Variants in RAI14 observed in about 807,000 individuals in gnomAD.
RAI14 encodes retinoic acid induced 14.
Under a neutral mutation model 115.4 loss-of-function variants are expected in RAI14, and 45 were observed. The ratio of observed to expected loss-of-function variants is 0.39; its 90% CI spans 0.31 to 0.50. RAI14 has a LOEUF of 0.50. Ranked by LOEUF, RAI14 falls within the 20% of genes least tolerant of loss-of-function variation. RAI14 has a pLI of 0.85. For missense variants in RAI14, 939 were observed against 1,131.2 expected (o/e 0.83, Z 2.44); for synonymous variants, 371 against 415.4 (o/e 0.89, Z 1.30).
chr5:34,759,530 C>G (rs1017124016), intron 3 of RAI14, among the ~76,000 whole-genome samples: 1 of 152,128 alleles, frequency 6.6e-6, no homozygotes, highest in East Asian at 1.9e-4. Flanking sequence ...ACTGCACATG[C>G]GAGGGATCTA....
chr5:34,688,001 C>A lies in RAI14; in HGVS notation c.36+1046C>A. 6 of 1,273,416 alleles carry A rather than the reference C, an allele frequency of 4.7e-6. No individual in the cohort carries two copies. In the South Asian group the frequency reaches 6.7e-5, roughly 14 times the overall value. 78.9% of individuals were successfully genotyped at this position (1,273,416 alleles called of 1,614,324 possible). ...TGCTTATGGGATGATGGTAAAATAC[C>A]GACCCACTTAAAGAAAGAACTGGGA... On this transcript the variant is annotated intron_variant, in intron 2 of 17. Coordinates refer to ENST00000265109, the MANE Select transcript of RAI14 (RefSeq NM_015577.3).
chr5:34,770,545 C>T (rs1391850530), intron 3 of RAI14, among the ~76,000 whole-genome samples: 1 of 152,204 alleles, frequency 6.6e-6, no homozygotes, highest in Non-Finnish European at 1.5e-5. Context: ...AGACATTGGA[C>T]TGTGCGAATA....
In RAI14 at chr5:34,814,702, T is replaced by A. The variant is rs773340676; in HGVS notation, c.939+33T>A. On this transcript the variant is annotated intron_variant, in intron 12 of 17. Transcript: ENST00000265109. ...CTTTCTGTATTCAGTTTTGTTACTG[T>A]ATTTTAAGATACATGATAGACTTGC... is the stretch of plus-strand genomic sequence containing the variant. 5.5e-6 allele frequency: 8 copies of A among 1,463,936 alleles called. No individual in the cohort carries two copies. In the South Asian group the frequency reaches 8.0e-5, roughly 15 times the overall value. 90.7% of individuals were successfully genotyped at this position (1,463,936 alleles called of 1,614,324 possible).
chr5:34,794,290 G>A (rs990715099), intron 3 of RAI14, among the ~76,000 whole-genome samples: 4 of 151,912 alleles, frequency 2.6e-5, no homozygotes, highest in African/African-American at 9.7e-5. Context: ...GGGTGTGGTG[G>A]CACATGCCTG....
At chr5:34,675,347 A>G (rs1743902145) in intron 1 of RAI14, among the ~76,000 whole-genome samples, 1 of 152,236 alleles carries the variant, frequency 6.6e-6, no homozygotes, top group Non-Finnish European at 1.5e-5. Context: ...CCCTCACCCC[A>G]GAAAGATCCT....
chr5:34,775,810 A>G (rs1750762230), intron 3 of RAI14, among the ~76,000 whole-genome samples: 1 of 152,184 alleles, frequency 6.6e-6, no homozygotes, highest in Non-Finnish European at 1.5e-5. Flanking sequence ...ACCCTCATAC[A>G]CTGTTGGGGA....
In RAI14 at chr5:34,808,655, G is replaced by C. The variant is rs760529601; in HGVS notation, c.450+1G>C. The C allele has an allele frequency of 6.2e-7, 1 of 1,613,984 alleles. No individual in the cohort carries two copies. Among genetic ancestry groups the C allele is most frequent in the Non-Finnish European group, 8.5e-7 (1 of 1,179,864 alleles). On this transcript the variant is annotated splice_donor_variant, in intron 7 of 17. Coordinates refer to ENST00000265109, the MANE Select transcript of RAI14 (RefSeq NM_015577.3). LOFTEE classifies it high-confidence loss of function. Reference sequence around the variant, plus strand: ...GAGCCCCATAAACCTCAAAGATTTGGTAAGTACCAGGTGGTCACTAGAGGC... The same window carrying C: ...GAGCCCCATAAACCTCAAAGATTTGCTAAGTACCAGGTGGTCACTAGAGGC...
chr5:34,717,737 C>T (rs181648480), intron 2 of RAI14, among the ~76,000 whole-genome samples: 1 of 152,040 alleles, frequency 6.6e-6, no homozygotes, highest in Admixed American at 6.5e-5. Flanking sequence ...GCTCCACATC[C>T]CCTGTGAATG....
chr5:34,776,436 CAAAG>C (rs1190854314), intron 3 of RAI14, among the ~76,000 whole-genome samples: 3 of 152,042 alleles, frequency 2.0e-5, no homozygotes, highest in African/African-American at 7.2e-5. Context: ...GTTGGTAACA[CAAAG>C]AAAGGATAAA....
At chr5:34,811,979 G>A in intron 9 of RAI14, 34 bp downstream of exon 9, 2 of 1,535,302 alleles carry the variant, frequency 1.3e-6, no homozygotes, top group Non-Finnish European at 1.8e-6. Flanking sequence ...GTTGTTTTAA[G>A]TTTATCCACT....
Position 34,818,834 on chromosome 5 carries a change from T to C in RAI14, c.977T>C (p.Leu326Pro). 1 of 1,611,304 alleles carries C rather than the reference T, an allele frequency of 6.2e-7. No homozygotes were observed. The highest frequency in any genetic ancestry group is 8.5e-7 in the Non-Finnish European group (1 of 1,178,578). ...ISSIRENKDR[L>P]SDSTTGADSL... ...TCTATACGAGAAAACAAAGACAGAC[T>C]AAGTGACAGTACTACAGGTAAGACA... Residue 326 changes from leucine (L) to proline (P), a missense_variant, in exon 13 of 18, where the codon CTA (leucine) becomes CCA (proline). Leu to Pro is a moderately conservative substitution (Grantham distance 98). Transcript: ENST00000265109.
chr5:34,669,534 G>A (rs1743473006), intron 1 of RAI14, among the ~76,000 whole-genome samples: 1 of 152,194 alleles, frequency 6.6e-6, no homozygotes, highest in South Asian at 2.1e-4. Flanking sequence ...CTGTCCTGGT[G>A]ATAAGTGCTA....
rs1757164880 is a variant in RAI14, at chr5:34,823,832, A to G, written c.1990A>G (p.Lys664Glu). ...CCAGGCTGAGCTGGAGGATTACAGG[A>G]AGAGGAAATCTCTAGAGGATGTCAC... is the stretch of plus-strand genomic sequence containing the variant. Reference protein sequence around the residue: ...EAQAELEDYRKRKSLEDVTAE... With the variant: ...EAQAELEDYRERKSLEDVTAE... Residue 664 changes from lysine to glutamate, a missense_variant, in exon 15 of 18, where the codon AAG becomes GAG. Transcript: ENST00000265109. This position sits in a 1 kb window ranked among gnomAD's most constrained non-coding sequence, Gnocchi z 4.5. 19 of 1,614,154 alleles carry G rather than the reference A, an allele frequency of 1.2e-5. No individual in the cohort carries two copies. The highest frequency in any genetic ancestry group is 1.0e-5 in the Non-Finnish European group (12 of 1,179,994).
intron 3 of RAI14, 90 bp downstream of exon 3, chr5:34,757,688 C>T (rs62355687): frequency 1.5e-5 from 21 of 1,426,236 alleles, no homozygotes; most frequent in African/African-American, 5.7e-5. Context: ...GAATTTCACA[C>T]GTGCTCCCTC....
intron 1 of RAI14, among the ~76,000 whole-genome samples, chr5:34,670,211 A>G (rs1238020323): frequency 6.6e-6 from 1 of 152,194 alleles, no homozygotes; most frequent in African/African-American, 2.4e-5. Context: ...ATTAAGTACT[A>G]AAAAGATTGG....
At chr5:34,742,752 C>T (rs907156461) in intron 2 of RAI14, among the ~76,000 whole-genome samples, 8 of 152,186 alleles carry the variant, frequency 5.3e-5, no homozygotes, top group Non-Finnish European at 7.4e-5. Context: ...CAACCTCTGC[C>T]GTCCCAGTTC....
In RAI14 at chr5:34,697,449, G is replaced by A. The variant is rs145748648; in HGVS notation, c.36+10494G>A. Among the ~76,000 whole-genome samples, 887 of 127,280 alleles carry A rather than the reference G, an allele frequency of 7.0e-3. 4 individuals carry two copies. Among genetic ancestry groups the A allele is most frequent in the African/African-American group, 0.016 (551 of 35,056 alleles). The allele number at this position is 127,280 out of a possible 152,430, so 83.5% of individuals were successfully genotyped here. ...AAAACTCTGTCTCAAAAAAAAAAAA[G>A]AAAAAAAAAAAAAGAAATGGAAACT... On this transcript the variant is annotated intron_variant, in intron 2 of 17. Coordinates refer to ENST00000265109, the MANE Select transcript of RAI14 (RefSeq NM_015577.3).
chr5:34,823,338 T>A lies in RAI14; in HGVS notation c.1496T>A (p.Val499Asp), dbSNP rs370809584. The A allele has an allele frequency of 3.1e-6, 5 of 1,613,798 alleles. No individual in the cohort carries two copies. The African/African-American group carries it at 6.7e-5, about 22-fold the overall frequency. The change falls in exon 15 of 18, where the codon GTC (valine) becomes GAC (aspartate). Residue 499 changes from valine (V) to aspartate (D), a missense_variant. Transcript: ENST00000265109. This position sits in a 1 kb window ranked among gnomAD's most constrained non-coding sequence, Gnocchi z 4.5. The part of the protein sequence containing the change: ...QSKYEEAMKE[V>D]LSVQKQMKLG... ...AAATACGAGGAGGCTATGAAAGAAG[T>A]CCTTAGTGTGCAGAAGCAGATGAAA... is the stretch of plus-strand genomic sequence containing the variant.
intron 3 of RAI14, among the ~76,000 whole-genome samples, chr5:34,760,007 T>TTTG (rs947327120): frequency 2.0e-5 from 3 of 152,130 alleles, no homozygotes; most frequent in African/African-American, 7.2e-5. Flanking sequence ...GGAGTGCTTC[T>TTTG]TTGTTGTTGT....
Sources: allele counts gnomAD v4.1 joint callset (sites outside exome capture counted in the v4.1 genomes callset), GRCh38; gene constraint gnomAD v4.1.1; non-coding constraint Gnocchi (gnomAD v3.1); transcripts MANE v1.5; gene names NCBI Gene and HGNC (gene_info 2026-07-23, HGNC 2026-07-21).